The following JCAD variants were observed in gnomAD, a reference collection of about 807,000 sequenced individuals.
JCAD encodes junctional cadherin 5-associated protein.
Under a neutral mutation model 98.0 loss-of-function variants are expected in JCAD, and 40 were observed. The ratio of observed to expected loss-of-function variants is 0.41; its 90% CI spans 0.32 to 0.53. The LOEUF is 0.53. JCAD is among the 20% of genes least tolerant of loss of function. The pLI, the probability that JCAD is intolerant of heterozygous loss-of-function variation, is 0.31. For synonymous variants in JCAD, 691 were observed against 682.3 expected (o/e 1.01, Z -0.20); for missense variants, 1,705 against 1,738.1 (o/e 0.98, Z 0.34).
chr10:30,062,523 G>A (rs190247251), upstream of JCAD, among the ~76,000 whole-genome samples: 1 of 152,308 alleles, frequency 6.6e-6, no homozygotes, highest in East Asian at 1.9e-4. Flanking sequence ...TTAACAAAGA[G>A]GAAAGAGGGT....
intron 1 of JCAD, among the ~76,000 whole-genome samples, chr10:30,099,574 G>C (rs1403202628): frequency 6.6e-6 from 1 of 151,806 alleles, no homozygotes. Flanking sequence ...TGTCCTCATG[G>C]AGATTATATT....
intron 1 of JCAD, among the ~76,000 whole-genome samples, chr10:30,078,727 C>A (rs1360980900): frequency 6.6e-6 from 1 of 152,176 alleles, no homozygotes; most frequent in Non-Finnish European, 1.5e-5. Context: ...ATCGTATGTT[C>A]CTTTTTAGAA....
intron 1 of JCAD, among the ~76,000 whole-genome samples, chr10:30,080,273 T>C (rs1034431729): frequency 1.3e-5 from 2 of 152,174 alleles, no homozygotes; most frequent in Non-Finnish European, 2.9e-5. Flanking sequence ...GTTCCCTCCT[T>C]CCCATCTTCA....
chr10:30,065,954 T>C (rs1361578229), intron 2 of JCAD, among the ~76,000 whole-genome samples: 1 of 152,226 alleles, frequency 6.6e-6, no homozygotes, highest in East Asian at 1.9e-4. Context: ...TTCTAAGTTC[T>C]ACCTTTGAGA....
chr10:30,086,266 T>C (rs902598161), intron 1 of JCAD, among the ~76,000 whole-genome samples: 1 of 152,176 alleles, frequency 6.6e-6, no homozygotes, highest in African/African-American at 2.4e-5. Flanking sequence ...ATTGAACTTT[T>C]CCCCTCCACA....
At chr10:30,109,909 T>TGTATGGACCAGTTGAG (rs1342642942) in intron 1 of JCAD, among the ~76,000 whole-genome samples, 1 of 151,850 alleles carries the variant, frequency 6.6e-6, no homozygotes, top group Non-Finnish European at 1.5e-5. Flanking sequence ...GACCAGTTGA[T>TGTATGGACCAGTTGAG]ATATGGACCA....
In JCAD at chr10:30,027,556, C is replaced by T. The variant is rs1836856014; in HGVS notation, c.2592G>A (p.Ala864=). Residue 864 remains alanine, a synonymous_variant, in exon 3 of 4, where the codon GCG becomes GCA. Transcript: ENST00000375377. ...SSSSSSEESE[A]EPQQENRAHC... ...GAGCACGGTTCTCCTGCTGCGGCTC[C>T]GCCTCACTCTCCTCACTGCTGCTGC... 23 of 1,613,816 alleles carry T rather than the reference C, an allele frequency of 1.4e-5. No homozygotes were observed. Among genetic ancestry groups the T allele is most frequent in the Non-Finnish European group, 1.9e-5 (22 of 1,180,054 alleles).
chr10:30,087,256 A>G (rs1459918185), intron 1 of JCAD, among the ~76,000 whole-genome samples: 3 of 152,092 alleles, frequency 2.0e-5, no homozygotes, highest in African/African-American at 4.8e-5. Context: ...CCTGGCCAAC[A>G]TGGTGAAACT....
rs1472987626 is a variant in JCAD at position 30,014,085 on chromosome 10, G to C, written c.*3798C>G. Reference sequence around the variant, plus strand: ...CATCTCCCCCTTCTTAGTGTGGTGGGTCCCAGAGTGGACCAACCCACACTC... The same window carrying C: ...CATCTCCCCCTTCTTAGTGTGGTGGCTCCCAGAGTGGACCAACCCACACTC... On this transcript the variant is annotated 3_prime_UTR_variant, in exon 4 of 4. Transcript: ENST00000375377. 6.6e-6 allele frequency: 1 copy of C among 152,046 alleles called. No homozygotes were observed. Among genetic ancestry groups the C allele is most frequent in the African/African-American group, 2.4e-5 (1 of 41,386 alleles). 9.4% of individuals were successfully genotyped at this position (152,046 alleles called of 1,614,324 possible). A position where few individuals can be genotyped will look rare whatever the true frequency, so the allele number is the denominator to read the frequency against.
chr10:30,053,761 TAA>T (rs918008703), intron 1 of JCAD, among the ~76,000 whole-genome samples: 2 of 141,810 alleles, frequency 1.4e-5, no homozygotes, highest in African/African-American at 2.6e-5. Context: ...TCTAATTTAG[TAA>T]AAAAAAAAAA....
At chr10:30,036,445 C>T (rs1189543756) in intron 2 of JCAD, among the ~76,000 whole-genome samples, 5 of 146,508 alleles carry the variant, frequency 3.4e-5, no homozygotes, top group African/African-American at 5.3e-5. Flanking sequence ...AGCAGGACTC[C>T]GTCTCAAAAA....
chr10:30,105,057 T>C (rs990044265), intron 1 of JCAD, among the ~76,000 whole-genome samples: 1 of 152,158 alleles, frequency 6.6e-6, no homozygotes, highest in African/African-American at 2.4e-5. Context: ...AAAGCTTGAG[T>C]TACTTGCTAG....
At chr10:30,056,823 G>A (rs1837579111) in intron 1 of JCAD, among the ~76,000 whole-genome samples, 1 of 152,100 alleles carries the variant, frequency 6.6e-6, no homozygotes, top group South Asian at 2.1e-4. Context: ...TTAGTATCTG[G>A]GGGAGGGGTT....
intron 1 of JCAD, among the ~76,000 whole-genome samples, chr10:30,055,140 T>C (rs1837543625): frequency 6.6e-6 from 1 of 152,204 alleles, no homozygotes; most frequent in African/African-American, 2.4e-5. Context: ...CAAAATCACA[T>C]GTGCTGCTGA....
At chr10:30,042,784 C>A (rs1169058620) in intron 2 of JCAD, among the ~76,000 whole-genome samples, 1 of 152,176 alleles carries the variant, frequency 6.6e-6, no homozygotes, top group African/African-American at 2.4e-5. Flanking sequence ...ACAACGACCC[C>A]TCCCTTTCCT....
chr10:30,042,576 G>A (rs1370633991), intron 2 of JCAD, among the ~76,000 whole-genome samples: 1 of 145,496 alleles, frequency 6.9e-6, no homozygotes, highest in African/African-American at 2.8e-5. Flanking sequence ...GGGAAGAGGA[G>A]CAAAACAAGT....
chr10:30,100,121 C>T (rs1008925691), intron 1 of JCAD, among the ~76,000 whole-genome samples: 2 of 152,182 alleles, frequency 1.3e-5, no homozygotes, highest in Non-Finnish European at 2.9e-5. Flanking sequence ...AAGTGTGCTG[C>T]TCACCATTGC....
At position 30,026,460 on chromosome 10, in the gene JCAD, C is replaced by T. The variant is rs756713734; in HGVS notation, c.3688G>A (p.Glu1230Lys). 6.2e-6 allele frequency: 10 copies of T among 1,614,246 alleles called. 1 individual carries two copies. In the East Asian group the frequency reaches 2.2e-4, roughly 36 times the overall value. ...VERTPSVAGS[E>K]KRLRSPSKVI... ...TTGGAAGGGCTTCTAAGTCTCTTTT[C>T]AGAGCCTGCCACACTTGGGGTTCTT... Residue 1230 changes from glutamate to lysine, a missense_variant, in exon 3 of 4, where the codon GAA becomes AAA. Coordinates refer to ENST00000375377, the MANE Select transcript of JCAD (RefSeq NM_020848.4).
intron 2 of JCAD, among the ~76,000 whole-genome samples, chr10:30,065,473 A>G (rs1269200439): frequency 1.3e-5 from 2 of 152,136 alleles, no homozygotes; most frequent in African/African-American, 2.4e-5. Flanking sequence ...AGTTATTGCT[A>G]TGCTTTATAT....
Sources: gnomAD v4.1 joint callset for allele counts (sites outside exome capture counted in the v4.1 genomes callset) on GRCh38, gnomAD v4.1.1 for gene constraint, MANE v1.5 for transcripts, NCBI Gene and HGNC (gene_info 2026-07-23, HGNC 2026-07-21) for gene names.